The following EPHA6 variants were observed in gnomAD, a reference collection of about 807,000 sequenced individuals.
EPHA6 encodes ephrin type-A receptor 6.
EPHA6 carries 50 observed loss-of-function variants against 112.0 expected under a neutral mutation model. The ratio of observed to expected loss-of-function variants is 0.45; its 90% CI spans 0.36 to 0.56. The LOEUF is 0.56. Ranked by LOEUF, EPHA6 falls within the 20% of genes least tolerant of loss-of-function variation. EPHA6 has a pLI of 0.00. For synonymous variants in EPHA6, 529 were observed against 490.7 expected, an observed-to-expected ratio of 1.08 and a Z score of -1.03; for missense variants, 1,280 against 1,417.4, an observed-to-expected ratio of 0.90 and a Z score of 1.56.
chr3:97,734,882 C>A (rs2035189029), intron 15 of EPHA6, among the ~76,000 whole-genome samples: 1 of 151,880 alleles, frequency 6.6e-6, no homozygotes, highest in Non-Finnish European at 1.5e-5. Context: ...TTTATGAAAA[C>A]CTAGGCTACA....
At position 97,346,682 on chromosome 3, in the gene EPHA6, G is replaced by C. The variant is rs938113834; in HGVS notation, c.1607-58468G>C. ...CAGATGTTCAATTTTTTTTTTTTTT[G>C]TCAAAACCTAGTCACATAGCTAAAT... On this transcript the variant is annotated intron_variant, in intron 5 of 17. Transcript: ENST00000389672. Among the ~76,000 whole-genome samples the C allele has an allele frequency of 2.5e-5, 3 of 121,150 alleles. No individual in the cohort carries two copies. The Admixed American group carries it at 2.5e-4, about 10-fold the overall frequency. 79.5% of individuals were successfully genotyped at this position (121,150 alleles called of 152,430 possible).
intron 3 of EPHA6, among the ~76,000 whole-genome samples, chr3:97,158,022 C>T (rs773852239): frequency 1.6e-4 from 24 of 151,976 alleles, no homozygotes; most frequent in Non-Finnish European, 3.1e-4. Context: ...CCATACTTCT[C>T]CAAAAAAAGA....
intron 5 of EPHA6, among the ~76,000 whole-genome samples, chr3:97,356,930 A>G (rs1413070073): frequency 1.3e-5 from 2 of 151,996 alleles, no homozygotes; most frequent in Admixed American, 6.6e-5. Flanking sequence ...CAATTCTATC[A>G]GTTTTTGATT....
chr3:97,382,199 T>G (rs1043510568), intron 5 of EPHA6, among the ~76,000 whole-genome samples: 1 of 152,082 alleles, frequency 6.6e-6, no homozygotes, highest in African/African-American at 2.4e-5. Context: ...ACATCCCCAG[T>G]AAATGCCAAG....
chr3:97,616,464 T>C (rs962755990), intron 13 of EPHA6, among the ~76,000 whole-genome samples: 5 of 152,124 alleles, frequency 3.3e-5, no homozygotes, highest in Non-Finnish European at 5.9e-5. Flanking sequence ...CTTCCAAATG[T>C]GTCTAAGAAA....
At position 96,814,612 on chromosome 3, in the gene EPHA6, A is replaced by G; in HGVS notation, c.-12A>G. ...AGTGAATAGTCCTCGCGCAAGCGGGACACTGTGGTGGATGCAATTCCCCTC... is the reference window on the plus strand; with the variant it reads ...AGTGAATAGTCCTCGCGCAAGCGGGGCACTGTGGTGGATGCAATTCCCCTC... On this transcript the variant is annotated 5_prime_UTR_variant, in exon 1 of 18. Transcript: ENST00000389672. 1 of 1,397,052 alleles carries G rather than the reference A, an allele frequency of 7.2e-7. No individual in the cohort carries two copies. Among genetic ancestry groups the G allele is most frequent in the Non-Finnish European group, 9.3e-7 (1 of 1,070,808 alleles). The allele number at this position is 1,397,052 out of a possible 1,614,324, so 86.5% of individuals were successfully genotyped here.
intron 3 of EPHA6, among the ~76,000 whole-genome samples, chr3:97,077,727 C>A (rs182521110): frequency 1.9e-4 from 29 of 152,270 alleles, no homozygotes; most frequent in African/African-American, 6.5e-4. Context: ...ATGAACTCAT[C>A]CTTTTTTATG....
Position 97,480,489 on chromosome 3 carries a change from C to T in EPHA6, c.2074+1125C>T, listed in dbSNP as rs1480390759. Among the ~76,000 whole-genome samples, 4 of 151,986 alleles carry T rather than the reference C, an allele frequency of 2.6e-5. No individual in the cohort carries two copies. In the East Asian group the frequency reaches 7.7e-4, roughly 29 times the overall value. ...TTTAACAAAGCACATCTTGCACCGCCCTTAATCCATTTAACCCTGAGTGGA... is the reference window on the plus strand; with the variant it reads ...TTTAACAAAGCACATCTTGCACCGCTCTTAATCCATTTAACCCTGAGTGGA... On this transcript the variant is annotated intron_variant, in intron 9 of 17. Coordinates refer to ENST00000389672, the MANE Select transcript of EPHA6 (RefSeq NM_001080448.3).
At chr3:97,229,093 G>GT (rs1165182229) in intron 4 of EPHA6, among the ~76,000 whole-genome samples, 1 of 151,936 alleles carries the variant, frequency 6.6e-6, no homozygotes, top group African/African-American at 2.4e-5. Flanking sequence ...TTGCTGATTT[G>GT]TTTGAGTTCC....
intron 5 of EPHA6, among the ~76,000 whole-genome samples, chr3:97,355,475 A>G (rs1427190424): frequency 1.3e-5 from 2 of 152,188 alleles, no homozygotes; most frequent in Non-Finnish European, 2.9e-5. Context: ...ATAATGGGTC[A>G]TAAGATGTTA....
chr3:97,520,538 T>A (rs1018882137), intron 10 of EPHA6, among the ~76,000 whole-genome samples: 1 of 152,230 alleles, frequency 6.6e-6, no homozygotes, highest in East Asian at 1.9e-4. Context: ...ATCATCCTAT[T>A]ATCTTCTGGC....
chr3:97,257,942 A>T (rs547876100), intron 5 of EPHA6, among the ~76,000 whole-genome samples: 1 of 152,160 alleles, frequency 6.6e-6, no homozygotes, highest in South Asian at 2.1e-4. Context: ...TAAGGAAATG[A>T]ATATTAAATT....
intron 2 of EPHA6, among the ~76,000 whole-genome samples, chr3:96,971,440 T>C (rs2042314377): frequency 6.6e-6 from 1 of 152,154 alleles, no homozygotes; most frequent in African/African-American, 2.4e-5. Context: ...TTTTGCTTCT[T>C]GTTTTATTCT....
At chr3:97,401,187 T>C (rs902435796) in intron 5 of EPHA6, among the ~76,000 whole-genome samples, 1 of 151,830 alleles carries the variant, frequency 6.6e-6, no homozygotes, top group African/African-American at 2.4e-5. Flanking sequence ...TATATTTTTG[T>C]CCTTCATTCT....
chr3:96,986,471 G>A lies in EPHA6; in HGVS notation c.451-859G>A, dbSNP rs145385514. On this transcript the variant is annotated intron_variant, in intron 2 of 17. Coordinates refer to ENST00000389672, the MANE Select transcript of EPHA6 (RefSeq NM_001080448.3). ...ATATACCTGTACAGTCTTGCCTCAG[G>A]TTATTTGTATTTACTGCTTCCTCTT... Among the ~76,000 whole-genome samples the A allele has an allele frequency of 6.1e-3, 921 of 152,182 alleles. 2 individuals are homozygous for A. The highest frequency in any genetic ancestry group is 0.01 in the Middle Eastern group (3 of 294).
intron 2 of EPHA6, among the ~76,000 whole-genome samples, chr3:96,890,997 G>A (rs1280470623): frequency 1.3e-5 from 2 of 152,202 alleles, no homozygotes; most frequent in Admixed American, 6.5e-5. Context: ...TGAGGCAGGA[G>A]AATTATTCCT....
chr3:97,271,733 TTTAAA>T (rs1348399491), intron 5 of EPHA6, among the ~76,000 whole-genome samples: 1 of 152,268 alleles, frequency 6.6e-6, no homozygotes. Context: ...TTTTATACAA[TTTAAA>T]TTATAGCAAT....
chr3:96,815,412 G>A (rs750252571), intron 1 of EPHA6, among the ~76,000 whole-genome samples: 4 of 152,012 alleles, frequency 2.6e-5, no homozygotes, highest in South Asian at 4.2e-4. Context: ...TTCTTGAAAG[G>A]CAGGGTGCTC....
At chr3:97,276,435 G>A (rs575185614) in intron 5 of EPHA6, among the ~76,000 whole-genome samples, 6 of 152,058 alleles carry the variant, frequency 3.9e-5, no homozygotes, top group Non-Finnish European at 7.4e-5. Flanking sequence ...CAGATTTCCA[G>A]TACTTGTAGC....
Sources: allele counts gnomAD v4.1 joint callset (sites outside exome capture counted in the v4.1 genomes callset), GRCh38; gene constraint gnomAD v4.1.1; transcripts MANE v1.5; gene names NCBI Gene and HGNC (gene_info 2026-07-23, HGNC 2026-07-21).